GLRA3: variants seen among roughly 807,000 people sequenced by gnomAD.
GLRA3 encodes glycine receptor alpha 3.
Under a neutral mutation model 60.4 loss-of-function variants are expected in GLRA3, and 44 were observed. The observed-to-expected ratio is 0.73, with a 90% CI of 0.57 to 0.94. The LOEUF (loss-of-function observed/expected upper bound fraction) is 0.94. GLRA3 is among the 40% of genes least tolerant of loss of function. The pLI is 0.00. For missense variants in GLRA3, 508 were observed against 564.6 expected (o/e 0.90, Z 1.02); for synonymous variants, 223 against 192.9 (o/e 1.16, Z -1.29).
chr4:174,667,104 C>T (rs1255344269), intron 7 of GLRA3, among the ~76,000 whole-genome samples: 2 of 152,014 alleles, frequency 1.3e-5, no homozygotes, highest in African/African-American at 4.8e-5. Flanking sequence ...CAGAGGAAAA[C>T]CAAGTCGCTG....
At chr4:174,770,436 T>C (rs568807769) in intron 2 of GLRA3, among the ~76,000 whole-genome samples, 2 of 152,196 alleles carry the variant, frequency 1.3e-5, no homozygotes, top group African/African-American at 4.8e-5. Context: ...TCAGAGATTT[T>C]CTTAGAAATA....
rs150156920 is a variant in GLRA3, at chr4:174,658,040, A to G, written c.1071+1014T>C. Among the ~76,000 whole-genome samples the G allele has an allele frequency of 1.2e-4, 18 of 152,246 alleles. 1 individual carries two copies. The East Asian group carries it at 3.5e-3, about 29-fold the overall frequency. ...AGAGGTCAAAGCTTAGTGCTTTTTA[A>G]AGAAGTTTAATCAATACATAAATTG... On this transcript the variant is annotated intron_variant, in intron 8 of 9. Coordinates refer to ENST00000274093, the MANE Select transcript of GLRA3 (RefSeq NM_006529.4).
Position 174,793,363 on chromosome 4 carries a change from C to A in GLRA3, c.72-4420G>T, listed in dbSNP as rs541219043. On this transcript the variant is annotated intron_variant, in intron 1 of 9. Coordinates refer to ENST00000274093, the MANE Select transcript of GLRA3 (RefSeq NM_006529.4). ...ATGGTATCAACTGCATACCATGATA[C>A]CATTTTGCAGGCCTTTCAAAAAAAT... Among the ~76,000 whole-genome samples the A allele has an allele frequency of 7.9e-5, 12 of 151,956 alleles. No individual in the cohort carries two copies. The South Asian group carries it at 1.5e-3, about 18-fold the overall frequency.
At chr4:174,795,715 C>T (rs1739540026) in intron 1 of GLRA3, among the ~76,000 whole-genome samples, 1 of 152,036 alleles carries the variant, frequency 6.6e-6, no homozygotes, top group South Asian at 2.1e-4. Flanking sequence ...GTAATTTGTT[C>T]GATGCAAAGC....
chr4:174,805,781 A>G (rs1560809923), intron 1 of GLRA3, among the ~76,000 whole-genome samples: 2 of 152,222 alleles, frequency 1.3e-5, no homozygotes, highest in African/African-American at 2.4e-5. Flanking sequence ...TCAATAAACC[A>G]TAACATTTAT....
At chr4:174,754,440 T>G (rs1470955708) in intron 3 of GLRA3, among the ~76,000 whole-genome samples, 1 of 152,090 alleles carries the variant, frequency 6.6e-6, no homozygotes, top group East Asian at 1.9e-4. Context: ...AGAAGGAGGA[T>G]AAGATGTAAA....
At chr4:174,782,290 A>G (rs1292147924) in intron 2 of GLRA3, among the ~76,000 whole-genome samples, 3 of 151,966 alleles carry the variant, frequency 2.0e-5, no homozygotes, top group East Asian at 3.9e-4. Context: ...AAAACTCTCT[A>G]TAAATTAGGT....
At chr4:174,747,632 A>G (rs1329906391) in intron 3 of GLRA3, among the ~76,000 whole-genome samples, 8 of 152,080 alleles carry the variant, frequency 5.3e-5, no homozygotes, top group Non-Finnish European at 1.2e-4. Flanking sequence ...TCTGGGAAAT[A>G]TTTGCGGGGT....
At chr4:174,699,599 C>G (rs1735215383) in intron 5 of GLRA3, among the ~76,000 whole-genome samples, 1 of 152,040 alleles carries the variant, frequency 6.6e-6, no homozygotes, top group Admixed American at 6.6e-5. Flanking sequence ...TAATAAAATT[C>G]TATCTAAGTT....
intron 1 of GLRA3, among the ~76,000 whole-genome samples, chr4:174,791,366 C>G (rs1739339731): frequency 6.6e-6 from 1 of 152,028 alleles, no homozygotes; most frequent in African/African-American, 2.4e-5. Flanking sequence ...CTACTCACAC[C>G]TTGATTTTGA....
chr4:174,817,309 G>A (rs774394893), intron 1 of GLRA3, among the ~76,000 whole-genome samples: 7 of 152,202 alleles, frequency 4.6e-5, no homozygotes, highest in African/African-American at 9.6e-5. Flanking sequence ...GCAATCCCGC[G>A]TTAAGGGTGG....
intron 3 of GLRA3, among the ~76,000 whole-genome samples, chr4:174,736,660 T>C (rs1447061075): frequency 1.3e-5 from 2 of 152,192 alleles, no homozygotes; most frequent in African/African-American, 4.8e-5. Flanking sequence ...CATTTGTTTA[T>C]AGAAGTGTGA....
At chr4:174,724,082 A>G (rs972137834) in intron 4 of GLRA3, among the ~76,000 whole-genome samples, 29 of 151,166 alleles carry the variant, frequency 1.9e-4, no homozygotes, top group African/African-American at 5.8e-4. Flanking sequence ...ATGTATATAT[A>G]TATATATGCC....
intron 1 of GLRA3, among the ~76,000 whole-genome samples, chr4:174,818,790 A>G (rs1024077645): frequency 6.6e-6 from 1 of 152,202 alleles, no homozygotes; most frequent in Admixed American, 6.5e-5. Flanking sequence ...TATTTGTGCT[A>G]GACAGTAGGA....
intron 4 of GLRA3, among the ~76,000 whole-genome samples, chr4:174,722,174 T>G (rs1230915958): frequency 6.6e-6 from 1 of 152,144 alleles, no homozygotes; most frequent in African/African-American, 2.4e-5. Flanking sequence ...GTCATTCTTA[T>G]TTTGTTGGTA....
Position 174,643,769 on chromosome 4 carries a change from T to G in GLRA3, c.*17A>C. On this transcript the variant is annotated 3_prime_UTR_variant, in exon 10 of 10. Transcript: ENST00000274093. ...TTCTTCTGAATTGACCATTTGCATT[T>G]GCATGCCCCCAGAGACTTAATCTTG... is the stretch of plus-strand genomic sequence containing the variant. 6.2e-7 allele frequency: 1 copy of G among 1,605,096 alleles called. No individual in the cohort carries two copies. Among genetic ancestry groups the G allele is most frequent in the East Asian group, 2.2e-5 (1 of 44,706 alleles).
At chr4:174,825,563 C>T (rs1232787073) in intron 1 of GLRA3, among the ~76,000 whole-genome samples, 1 of 151,988 alleles carries the variant, frequency 6.6e-6, no homozygotes, top group Non-Finnish European at 1.5e-5. Flanking sequence ...TGTTGCTTCC[C>T]TGCTTTTGGA....
intron 2 of GLRA3, among the ~76,000 whole-genome samples, chr4:174,782,708 C>T (rs1479913230): frequency 3.9e-5 from 6 of 152,140 alleles, no homozygotes; most frequent in African/African-American, 1.4e-4. Flanking sequence ...TGAGTGAAAT[C>T]CCATTCACAA....
chr4:174,715,415 C>A (rs1735876354), intron 5 of GLRA3, 73 bp downstream of exon 5: 1 of 730,984 alleles, frequency 1.4e-6, no homozygotes, highest in Non-Finnish European at 2.4e-6. Context: ...AATAAATTAT[C>A]CATATTAGGC....
Sources: gnomAD v4.1 joint callset for allele counts (sites outside exome capture counted in the v4.1 genomes callset) on GRCh38, gnomAD v4.1.1 for gene constraint, MANE v1.5 for transcripts, NCBI Gene and HGNC (gene_info 2026-07-23, HGNC 2026-07-21) for gene names.